Variants in HDAC4 observed in about 807,000 individuals in gnomAD.
HDAC4 encodes the protein histone deacetylase 4.
In HDAC4, 16 loss-of-function variants were observed where a neutral mutation model predicts 135.1. That is an observed-to-expected ratio of 0.12 (90% CI 0.08 to 0.18). HDAC4 has a LOEUF of 0.18. Ranked by LOEUF, HDAC4 falls within the 10% of genes least tolerant of loss-of-function variation. The pLI is 1.00. For missense variants in HDAC4, 1,143 were observed against 1,511.8 expected (o/e 0.76, Z 4.05); for synonymous variants, 685 against 653.4 (o/e 1.05, Z -0.74).
At chr2:239,130,110 A>G (rs1223857174) in intron 11 of HDAC4, among the ~76,000 whole-genome samples, 1 of 152,168 alleles carries the variant, frequency 6.6e-6, no homozygotes, top group Non-Finnish European at 1.5e-5. Context: ...TCCATTGAGA[A>G]GCAAACCAGG....
chr2:239,378,609 GCCCCGGGAACCAAGAA>G (rs1489412912), intron 1 of HDAC4, among the ~76,000 whole-genome samples: 44 of 152,088 alleles, frequency 2.9e-4, no homozygotes, highest in African/African-American at 5.8e-4. Context: ...GCCTGAAACG[GCCCCGGGAACCAAGAA>G]CCCCGGGAAC....
intron 24 of HDAC4, among the ~76,000 whole-genome samples, chr2:239,057,012 C>G (rs1280831447): frequency 6.6e-6 from 1 of 152,208 alleles, no homozygotes; most frequent in South Asian, 2.1e-4. Context: ...ACGTGTGATC[C>G]TGGACGGGAC....
At chr2:239,054,645 G>T in intron 25 of HDAC4, 104 bp downstream of exon 25, 1 of 800,872 alleles carries the variant, frequency 1.2e-6, no homozygotes, top group Non-Finnish European at 2.3e-6. Flanking sequence ...GCAGCCGGCA[G>T]TGGGATGGAG....
chr2:239,324,372 T>C (rs2053408721), intron 2 of HDAC4, among the ~76,000 whole-genome samples: 1 of 152,226 alleles, frequency 6.6e-6, no homozygotes, highest in South Asian at 2.1e-4. Flanking sequence ...GAAAGGCTGG[T>C]GAGAGTGAAA....
At chr2:239,374,316 A>G (rs1694836545) in intron 1 of HDAC4, among the ~76,000 whole-genome samples, 1 of 150,838 alleles carries the variant, frequency 6.6e-6, no homozygotes, top group Non-Finnish European at 1.5e-5. Flanking sequence ...GGAAATGACA[A>G]TGATGCCGAC....
intron 1 of HDAC4, among the ~76,000 whole-genome samples, chr2:239,360,624 T>C (rs913230340): frequency 5.9e-5 from 9 of 151,816 alleles, no homozygotes; most frequent in African/African-American, 2.2e-4. Flanking sequence ...AAGTACTAGA[T>C]AGGAAGCGGG....
intron 17 of HDAC4, among the ~76,000 whole-genome samples, chr2:239,090,706 A>G (rs2036434007): frequency 6.6e-6 from 1 of 151,796 alleles, no homozygotes; most frequent in Non-Finnish European, 1.5e-5. Flanking sequence ...AAGGAAATGC[A>G]CTCTGGAGCA....
rs2125113992 is a variant in HDAC4 at position 239,262,785 on chromosome 2, G to A, written c.23-26121C>T. 6.6e-6 allele frequency among the ~76,000 whole-genome samples: 1 copy of A among 152,356 alleles called. No homozygotes were observed. Among genetic ancestry groups the A allele is most frequent in the South Asian group, 2.1e-4 (1 of 4,828 alleles). On this transcript the variant is annotated intron_variant, in intron 2 of 26. Transcript: ENST00000543185. The surrounding 1 kb of genome is among the most constrained non-coding windows in gnomAD (Gnocchi z 4.1). ...CAAGAACACAGACGAGGAGGCCTGT[G>A]CTCAGGCACTAAGGACACGGAGGGA... is the stretch of plus-strand genomic sequence containing the variant.
intron 24 of HDAC4, among the ~76,000 whole-genome samples, chr2:239,064,483 A>G (rs2033212199): frequency 6.6e-6 from 1 of 152,016 alleles, no homozygotes; most frequent in Non-Finnish European, 1.5e-5. Flanking sequence ...TGCCCCTCAC[A>G]TCGGCCTCAA....
At chr2:239,152,975 C>T (rs536217967) in intron 7 of HDAC4, among the ~76,000 whole-genome samples, 5 of 152,308 alleles carry the variant, frequency 3.3e-5, no homozygotes, top group South Asian at 2.1e-4. Context: ...TCACAGATGA[C>T]GAAACTGAGG....
At chr2:239,126,108 C>T (rs1446991283) in intron 12 of HDAC4, among the ~76,000 whole-genome samples, 2 of 152,256 alleles carry the variant, frequency 1.3e-5, no homozygotes, top group Admixed American at 6.5e-5. Flanking sequence ...CATTCGCTGG[C>T]ACTGATGCAC....
intron 6 of HDAC4, among the ~76,000 whole-genome samples, chr2:239,161,077 C>A (rs2042761748): frequency 6.6e-6 from 1 of 152,206 alleles, no homozygotes; most frequent in African/African-American, 2.4e-5. Context: ...TACTGGCCAT[C>A]CCCATGCCTT....
intron 6 of HDAC4, among the ~76,000 whole-genome samples, chr2:239,160,443 G>A (rs79600975): frequency 1.1e-3 from 174 of 152,316 alleles, no homozygotes; most frequent in African/African-American, 4.0e-3. Context: ...GGTGACTCAC[G>A]TAAACACCCA....
intron 2 of HDAC4, among the ~76,000 whole-genome samples, chr2:239,294,595 T>TG (rs2051738722): frequency 6.6e-6 from 1 of 152,106 alleles, no homozygotes; most frequent in Admixed American, 6.5e-5. Flanking sequence ...TGGGAACAGC[T>TG]GGGGCACACA....
At chr2:239,250,896 G>T (rs780046587) in intron 2 of HDAC4, among the ~76,000 whole-genome samples, 1 of 152,192 alleles carries the variant, frequency 6.6e-6, no homozygotes, top group East Asian at 1.9e-4. Flanking sequence ...CCCTTGGCGG[G>T]ATCCTCCCCT....
At chr2:239,377,186 G>T (rs1695070474) in intron 1 of HDAC4, among the ~76,000 whole-genome samples, 1 of 152,074 alleles carries the variant, frequency 6.6e-6, no homozygotes, top group Non-Finnish European at 1.5e-5. Context: ...CTCTGACTCT[G>T]AACTTGAAAC....
At chr2:239,390,775 T>A (rs1575801520) in intron 1 of HDAC4, among the ~76,000 whole-genome samples, 1 of 152,312 alleles carries the variant, frequency 6.6e-6, no homozygotes, top group East Asian at 1.9e-4. Flanking sequence ...AGCCTGGACC[T>A]GAGCACCCAG....
chr2:239,397,624 T>C (rs1310904654), intron 1 of HDAC4, among the ~76,000 whole-genome samples: 4 of 152,142 alleles, frequency 2.6e-5, no homozygotes, highest in Admixed American at 1.3e-4. Flanking sequence ...CAAGGGGACA[T>C]GGCCATTTAA....
chr2:239,061,929 T>C (rs2032800101), intron 24 of HDAC4, among the ~76,000 whole-genome samples: 1 of 152,198 alleles, frequency 6.6e-6, no homozygotes, highest in South Asian at 2.1e-4. Flanking sequence ...AAACCTGCTT[T>C]GGGCATGGTC....
Sources: allele counts gnomAD v4.1 joint callset (sites outside exome capture counted in the v4.1 genomes callset), GRCh38; gene constraint gnomAD v4.1.1; non-coding constraint Gnocchi (gnomAD v3.1); transcripts MANE v1.5; gene names NCBI Gene and HGNC (gene_info 2026-07-23, HGNC 2026-07-21).